Variants in CACNA1A observed in about 807,000 individuals in gnomAD.
The protein encoded by CACNA1A is calcium voltage-gated channel subunit alpha1 A.
A neutral mutation model predicts 262.4 loss-of-function variants in CACNA1A; 57 were observed. The observed-to-expected ratio is 0.22, with a 90% CI of 0.18 to 0.27. The LOEUF is 0.27. Ranked by LOEUF, CACNA1A falls within the 10% of genes least tolerant of loss-of-function variation. CACNA1A has a pLI of 1.00. For missense variants in CACNA1A, 2,526 were observed against 3,562.8 expected (o/e 0.71, Z 7.41); for synonymous variants, 1,431 against 1,419.3 (o/e 1.01, Z -0.18).
chr19:13,206,861 T>G lies in CACNA1A; in HGVS notation c.*452A>C, dbSNP rs532871649. ...CGCACTCGGCCACCAGCTGTCTTCA[T>G]CAGGGAAAGGAAAGATTCAATTGAG... On this transcript the variant is annotated 3_prime_UTR_variant, in exon 47 of 47. Coordinates refer to ENST00000360228, the MANE Select transcript of CACNA1A (RefSeq NM_001127222.2). 1 of 153,936 alleles carries G rather than the reference T, an allele frequency of 6.5e-6. No homozygotes were observed. The highest frequency in any genetic ancestry group is 1.9e-4 in the South Asian group (1 of 5,274). The allele number at this position is 153,936 out of a possible 1,614,324, so 9.5% of individuals were successfully genotyped here.
intron 19 of CACNA1A, among the ~76,000 whole-genome samples, chr19:13,291,325 C>T (rs533855931): frequency 6.6e-6 from 1 of 152,008 alleles, no homozygotes; most frequent in East Asian, 1.9e-4. Flanking sequence ...CTCGTGTCCC[C>T]ACCCCCTGTC....
intron 3 of CACNA1A, among the ~76,000 whole-genome samples, chr19:13,426,709 T>C (rs1599427739): frequency 6.6e-6 from 1 of 152,238 alleles, no homozygotes; most frequent in Non-Finnish European, 1.5e-5. Flanking sequence ...GAGAGACAGG[T>C]ACCATTATTC....
intron 6 of CACNA1A, among the ~76,000 whole-genome samples, chr19:13,344,909 C>T (rs1162695734): frequency 6.6e-6 from 1 of 150,732 alleles, no homozygotes; most frequent in African/African-American, 2.5e-5. Flanking sequence ...CACGCACCAC[C>T]ACGCTCAGCT....
chr19:13,378,210 A>G (rs2059451487), intron 3 of CACNA1A, among the ~76,000 whole-genome samples: 1 of 152,226 alleles, frequency 6.6e-6, no homozygotes, highest in South Asian at 2.1e-4. Flanking sequence ...CTCATGATCA[A>G]ACTTCAATGC....
intron 6 of CACNA1A, among the ~76,000 whole-genome samples, chr19:13,356,250 C>T (rs536331375): frequency 9.9e-5 from 15 of 152,258 alleles, no homozygotes; most frequent in African/African-American, 3.6e-4. Flanking sequence ...GAGGTCACCC[C>T]GGGCCAGGAT....
intron 3 of CACNA1A, among the ~76,000 whole-genome samples, chr19:13,424,897 C>T (rs951298295): frequency 2.0e-5 from 3 of 151,940 alleles, no homozygotes; most frequent in East Asian, 1.9e-4. Flanking sequence ...CTCTGCCTCC[C>T]GGGTTCAAGC....
chr19:13,388,873 G>A (rs189548516), intron 3 of CACNA1A, among the ~76,000 whole-genome samples: 1 of 152,174 alleles, frequency 6.6e-6, no homozygotes, highest in Admixed American at 6.5e-5. Flanking sequence ...GTTGTTTCCT[G>A]TTTTCACCCA....
chr19:13,310,127 C>T (rs4926266), intron 12 of CACNA1A, among the ~76,000 whole-genome samples: 45,157 of 151,542 alleles, frequency 0.3, 7,133 homozygotes, highest in African/African-American at 0.38. Flanking sequence ...TCAAGGTCCT[C>T]GCCTTTTTAA....
intron 28 of CACNA1A, among the ~76,000 whole-genome samples, chr19:13,255,678 C>T (rs1408603531): frequency 7.4e-6 from 1 of 136,040 alleles, no homozygotes; most frequent in Non-Finnish European, 1.6e-5. Flanking sequence ...CGCTCCCTCC[C>T]TCCTTCCTTC....
At chr19:13,235,855 G>T in intron 31 of CACNA1A, 125 bp from the exon 32 acceptor site, 1 of 632,912 alleles carries the variant, frequency 1.6e-6, no homozygotes, top group Non-Finnish European at 2.8e-6. Context: ...CCCCAAATAA[G>T]GAGGGAGAGA....
chr19:13,486,386 GTCTGTCTGTC>G (rs1568695376), intron 1 of CACNA1A, among the ~76,000 whole-genome samples: 1 of 106,466 alleles, frequency 9.4e-6, no homozygotes, highest in Non-Finnish European at 1.8e-5. Flanking sequence ...CTCTCTCTCT[GTCTGTCTGTC>G]TCTCTCTCTC....
intron 3 of CACNA1A, among the ~76,000 whole-genome samples, chr19:13,420,837 C>T (rs749938513): frequency 1.6e-4 from 24 of 152,108 alleles, no homozygotes; most frequent in Admixed American, 2.6e-4. Flanking sequence ...TCAGATAGGT[C>T]CTGTTTGACA....
intron 3 of CACNA1A, among the ~76,000 whole-genome samples, chr19:13,374,304 G>A (rs911962011): frequency 6.6e-6 from 1 of 152,186 alleles, no homozygotes; most frequent in African/African-American, 2.4e-5. Flanking sequence ...CTTGAGTATA[G>A]TGGTGCAACA....
chr19:13,326,675 G>A (rs144805287), intron 10 of CACNA1A, among the ~76,000 whole-genome samples: 1 of 151,546 alleles, frequency 6.6e-6, no homozygotes, highest in African/African-American at 2.4e-5. Flanking sequence ...TATAGTCCCA[G>A]CTACTTGGGA....
At chr19:13,503,795 C>T (rs1265672017) in intron 1 of CACNA1A, among the ~76,000 whole-genome samples, 1 of 152,018 alleles carries the variant, frequency 6.6e-6, no homozygotes, top group Non-Finnish European at 1.5e-5. Flanking sequence ...AAACAGTCTG[C>T]AGAGAGCATA....
intron 3 of CACNA1A, among the ~76,000 whole-genome samples, chr19:13,409,096 A>G (rs1391709406): frequency 6.6e-6 from 1 of 152,118 alleles, no homozygotes; most frequent in African/African-American, 2.4e-5. Flanking sequence ...CTCCAGGGTT[A>G]CCTTGCTTGG....
chr19:13,476,408 C>G (rs1158021392), intron 1 of CACNA1A, among the ~76,000 whole-genome samples: 1 of 152,194 alleles, frequency 6.6e-6, no homozygotes, highest in African/African-American at 2.4e-5. Context: ...CTCATCATCA[C>G]CATTTCAGTT....
intron 3 of CACNA1A, among the ~76,000 whole-genome samples, chr19:13,404,793 G>C (rs530942626): frequency 1.3e-4 from 20 of 152,282 alleles, no homozygotes; most frequent in African/African-American, 3.4e-4. Context: ...CATCCCTGAG[G>C]GGAAAGGTGT....
chr19:13,355,485 T>C (rs2058992948), intron 6 of CACNA1A, among the ~76,000 whole-genome samples: 1 of 151,916 alleles, frequency 6.6e-6, no homozygotes, highest in Admixed American at 6.6e-5. Flanking sequence ...GAAGGGAAGG[T>C]GGCAAGTGAA....
Sources: allele counts gnomAD v4.1 joint callset (sites outside exome capture counted in the v4.1 genomes callset), GRCh38; gene constraint gnomAD v4.1.1; transcripts MANE v1.5; gene names NCBI Gene and HGNC (gene_info 2026-07-23, HGNC 2026-07-21).